Variants in ABHD2 observed in about 807,000 individuals in gnomAD.
ABHD2 encodes the protein abhydrolase domain containing 2, acylglycerol lipase, also known as monoacylglycerol lipase ABHD2.
Under a neutral mutation model 48.1 loss-of-function variants are expected in ABHD2, and 20 were observed. The observed-to-expected ratio is 0.42, with a 90% CI of 0.29 to 0.60. The LOEUF (loss-of-function observed/expected upper bound fraction) is 0.60. Ranked by LOEUF, ABHD2 falls within the 20% of genes least tolerant of loss-of-function variation. The pLI is 0.24. For synonymous variants in ABHD2, 209 were observed against 214.2 expected (o/e 0.98, Z 0.21); for missense variants, 405 against 550.9 (o/e 0.74, Z 2.65).
chr15:89,127,399 G>GTA (rs755113800), intron 3 of ABHD2, among the ~76,000 whole-genome samples: 12 of 151,998 alleles, frequency 7.9e-5, no homozygotes, highest in Non-Finnish European at 1.6e-4. Context: ...TCCCAGGAAG[G>GTA]GAGAGATTTG....
intron 9 of ABHD2, among the ~76,000 whole-genome samples, chr15:89,191,963 A>C (rs886558334): frequency 2.6e-5 from 4 of 152,310 alleles, no homozygotes; most frequent in Non-Finnish European, 4.4e-5. Flanking sequence ...GTTTGTATTA[A>C]TGCAACTTTT....
chr15:89,144,196 C>CA (rs1407720678), intron 3 of ABHD2, among the ~76,000 whole-genome samples: 1 of 152,132 alleles, frequency 6.6e-6, no homozygotes, highest in East Asian at 1.9e-4. Context: ...TGTAGTGGCA[C>CA]AATCTCAGCT....
rs559137788 is a variant in ABHD2, at chr15:89,201,419, T to C, written c.*5996T>C. ...CATGTCATTCAATTTATCATTTTCA[T>C]TGGGGATCTCCATTTGGAATCCATT... On this transcript the variant is annotated 3_prime_UTR_variant, in exon 11 of 11. Coordinates refer to ENST00000352732, the MANE Select transcript of ABHD2 (RefSeq NM_152924.5). The C allele has an allele frequency of 7.1e-5, 90 of 1,270,504 alleles. No homozygotes were observed. In the East Asian group the frequency reaches 1.2e-3, roughly 17 times the overall value. 78.7% of individuals were successfully genotyped at this position (1,270,504 alleles called of 1,614,324 possible).
Position 89,100,454 on chromosome 15 carries a change from G to A in ABHD2, c.-107+11891G>A, listed in dbSNP as rs2049683379. 6.6e-6 allele frequency among the ~76,000 whole-genome samples: 1 copy of A among 152,094 alleles called. No individual in the cohort carries two copies. Among genetic ancestry groups the A allele is most frequent in the Admixed American group, 6.6e-5 (1 of 15,262 alleles). ...TGTAGCTGCAGTTCAGGTCAAATCT[G>A]TCTGTGTCCAGATCCTGCAAGTAGC... On this transcript the variant is annotated intron_variant, in intron 1 of 10. Coordinates refer to ENST00000352732, the MANE Select transcript of ABHD2 (RefSeq NM_152924.5). This position sits in a 1 kb window ranked among gnomAD's most constrained non-coding sequence, Gnocchi z 4.4.
At chr15:89,141,837 G>A (rs1035090470) in intron 3 of ABHD2, among the ~76,000 whole-genome samples, 2 of 152,186 alleles carry the variant, frequency 1.3e-5, no homozygotes, top group Non-Finnish European at 2.9e-5. Flanking sequence ...AGGGTTCTCC[G>A]TGTTGCTGAA....
At chr15:89,062,706 A>T in the ABHD2 span, among the ~76,000 whole-genome samples, 1 of 152,046 alleles carries the variant, frequency 6.6e-6, no homozygotes, top group South Asian at 2.1e-4. Context: ...TTTTTTAAAA[A>T]TACATTTAGG....
chr15:89,058,620 C>G, the ABHD2 span, among the ~76,000 whole-genome samples: 1 of 152,062 alleles, frequency 6.6e-6, no homozygotes, highest in East Asian at 1.9e-4. Context: ...TTAACTCCCT[C>G]CATCCCTCAG....
intron 1 of ABHD2, among the ~76,000 whole-genome samples, chr15:89,111,600 G>T (rs1375482803): frequency 6.6e-6 from 1 of 152,214 alleles, no homozygotes; most frequent in African/African-American, 2.4e-5. Context: ...AGGGATGCAA[G>T]AAGGGAAAAG....
rs555412181 is a variant in ABHD2 at position 89,184,209 on chromosome 15, T to C, written c.723-1215T>C. ...ACCTCTTATTTTTTAACCACGACAT[T>C]GTGGGAAATGTTTGTCACTCCAAAA... On this transcript the variant is annotated intron_variant, in intron 6 of 10. Transcript: ENST00000352732. This position sits in a 1 kb window ranked among gnomAD's most constrained non-coding sequence, Gnocchi z 5.1. 6.6e-6 allele frequency among the ~76,000 whole-genome samples: 1 copy of C among 152,298 alleles called. No homozygotes were observed. The highest frequency in any genetic ancestry group is 1.9e-4 in the East Asian group (1 of 5,184).
the ABHD2 span, among the ~76,000 whole-genome samples, chr15:89,071,471 A>G: frequency 7.3e-3 from 1,115 of 152,248 alleles, 17 homozygotes; most frequent in African/African-American, 0.025. Flanking sequence ...CATACAGGGG[A>G]GAGTCTCCAG....
the ABHD2 span, among the ~76,000 whole-genome samples, chr15:89,065,449 T>C: frequency 5.2e-3 from 796 of 152,284 alleles, 7 homozygotes; most frequent in African/African-American, 0.018. Flanking sequence ...GTGTATGATA[T>C]GCCTCCTCTT....
rs1292739980 is a variant in ABHD2, at chr15:89,155,294, G to A, written c.371-73G>A. 3 of 1,495,992 alleles carry A rather than the reference G, an allele frequency of 2.0e-6. No individual in the cohort carries two copies. The highest frequency in any genetic ancestry group is 2.8e-6 in the Non-Finnish European group (3 of 1,089,924). The allele number at this position is 1,495,992 out of a possible 1,614,324, so 92.7% of individuals were successfully genotyped here. ...TTCCCTCCCCTTGTTTTCTAGACCA[G>A]TGAAGTGTAATTATGTCCATTTATC... On this transcript the variant is annotated intron_variant, in intron 4 of 10. Transcript: ENST00000352732. The surrounding 1 kb of genome is among the most constrained non-coding windows in gnomAD (Gnocchi z 4.9).
chr15:89,144,218 C>T (rs2050454751), intron 3 of ABHD2, among the ~76,000 whole-genome samples: 1 of 152,164 alleles, frequency 6.6e-6, no homozygotes, highest in African/African-American at 2.4e-5. Flanking sequence ...ACTGCAACCT[C>T]CGCCTCCTGG....
At chr15:89,075,091 A>C in the ABHD2 span, among the ~76,000 whole-genome samples, 1 of 152,198 alleles carries the variant, frequency 6.6e-6, no homozygotes, top group Non-Finnish European at 1.5e-5. This position sits in a 1 kb window ranked among gnomAD's most constrained non-coding sequence, Gnocchi z 4.1. Flanking sequence ...ATTCAATTGA[A>C]CAAGCGTGTT....
intron 3 of ABHD2, among the ~76,000 whole-genome samples, chr15:89,125,668 C>A (rs1398920313): frequency 6.6e-6 from 1 of 152,182 alleles, no homozygotes; most frequent in Non-Finnish European, 1.5e-5. Context: ...AATTCCAGGG[C>A]AAACAGGGAT....
chr15:89,116,284 T>A lies in ABHD2; in HGVS notation c.-6-38T>A, dbSNP rs376252508. The A allele has an allele frequency of 9.1e-5, 144 of 1,584,406 alleles. No homozygotes were observed. Among genetic ancestry groups the A allele is most frequent in the Middle Eastern group, 1.8e-4 (1 of 5,560 alleles). On this transcript the variant is annotated intron_variant, in intron 2 of 10. Coordinates refer to ENST00000352732, the MANE Select transcript of ABHD2 (RefSeq NM_152924.5). The surrounding 1 kb of genome is among the most constrained non-coding windows in gnomAD (Gnocchi z 4.6). ...GGTGGTGGGCACCACCCGTCCTCAC[T>A]GTGCTTGTAAACTTAGACCTGTGCC...
At chr15:89,133,604 A>G (rs2050254361) in intron 3 of ABHD2, among the ~76,000 whole-genome samples, 1 of 152,214 alleles carries the variant, frequency 6.6e-6, no homozygotes, top group African/African-American at 2.4e-5. Flanking sequence ...TTGATTAAAG[A>G]GACTGTGTAT....
At chr15:89,074,841 G>T in the ABHD2 span, among the ~76,000 whole-genome samples, 4 of 152,078 alleles carry the variant, frequency 2.6e-5, no homozygotes, top group Non-Finnish European at 1.5e-5. Context: ...AAAATATGCT[G>T]AACTCCGCCA....
At position 89,120,885 on chromosome 15, in the gene ABHD2, A is replaced by G. The variant is rs533966117; in HGVS notation, c.194+4364A>G. The stretch of plus-strand genomic sequence containing the variant: ...TAATTCTACCCAGAGATAATGCACT[A>G]TTAATATGTGGGCAATCATCCCTGT... On this transcript the variant is annotated intron_variant, in intron 3 of 10. Coordinates refer to ENST00000352732, the MANE Select transcript of ABHD2 (RefSeq NM_152924.5). This position sits in a 1 kb window ranked among gnomAD's most constrained non-coding sequence, Gnocchi z 4.2. 1.3e-5 allele frequency: 2 copies of G among 152,218 alleles called. No homozygotes were observed. Among genetic ancestry groups the G allele is most frequent in the Non-Finnish European group, 2.9e-5 (2 of 68,034 alleles). The allele number at this position is 152,218 out of a possible 1,614,324, so 9.4% of individuals were successfully genotyped here.
Sources: gnomAD v4.1 joint callset for allele counts (sites outside exome capture counted in the v4.1 genomes callset) on GRCh38, gnomAD v4.1.1 for gene constraint, Gnocchi (gnomAD v3.1) non-coding constraint, MANE v1.5 for transcripts, NCBI Gene and HGNC (gene_info 2026-07-23, HGNC 2026-07-21) for gene names.